ITSN1: variants seen among roughly 807,000 people sequenced by gnomAD.
ITSN1 encodes intersectin-1.
ITSN1 carries 58 observed loss-of-function variants against 239.8 expected under a neutral mutation model. The observed-to-expected ratio is 0.24, with a 90% CI of 0.20 to 0.30. The LOEUF (loss-of-function observed/expected upper bound fraction) is 0.30, where lower values mean the gene tolerates loss of function less well. Among genes scored for constraint, ITSN1 ranks in the 10% least tolerant of loss-of-function variants. The pLI, the probability that ITSN1 is intolerant of heterozygous loss-of-function variation, is 1.00. For missense variants in ITSN1, 1,558 were observed against 2,103.3 expected, an observed-to-expected ratio of 0.74 and a Z score of 5.07; for synonymous variants, 780 against 770.8, an observed-to-expected ratio of 1.01 and a Z score of -0.20.
chr21:33,820,654 T>TA (rs1460668509), intron 24 of ITSN1, among the ~76,000 whole-genome samples: 1 of 152,236 alleles, frequency 6.6e-6, no homozygotes, highest in Non-Finnish European at 1.5e-5. Context: ...TAGTTCATAG[T>TA]ATAGCTATAA....
intron 29 of ITSN1, chr21:33,837,224 A>C (rs2074648651): frequency 8.0e-7 from 1 of 1,253,466 alleles, no homozygotes; most frequent in African/African-American, 1.5e-5. Context: ...AGCAAAAATT[A>C]CAAAAACACA....
rs115142999 is a variant in ITSN1, at chr21:33,732,535, T to C, written c.186-2509T>C. Among the ~76,000 whole-genome samples, 846 of 152,306 alleles carry C rather than the reference T, an allele frequency of 5.6e-3. 7 individuals are homozygous for C. The highest frequency in any genetic ancestry group is 0.02 in the African/African-American group (811 of 41,566). On this transcript the variant is annotated intron_variant, in intron 4 of 39. Coordinates refer to ENST00000381318, the MANE Select transcript of ITSN1 (RefSeq NM_003024.3). Reference sequence around the variant, plus strand: ...ACTATTAGCTCTAGTAAATCTACTGTTTCATTTAAACTCAGAACTGAGCAA... The same window carrying C: ...ACTATTAGCTCTAGTAAATCTACTGCTTCATTTAAACTCAGAACTGAGCAA...
intron 1 of ITSN1, among the ~76,000 whole-genome samples, chr21:33,646,189 C>G (rs890324762): frequency 3.3e-5 from 5 of 152,218 alleles, no homozygotes; most frequent in Non-Finnish European, 7.3e-5. Context: ...CACTATACCC[C>G]AGTGACTTCT....
intron 36 of ITSN1, among the ~76,000 whole-genome samples, chr21:33,884,586 G>T (rs749957120): frequency 6.6e-6 from 1 of 152,194 alleles, no homozygotes; most frequent in Non-Finnish European, 1.5e-5. Context: ...GGAGAAAACC[G>T]CGGCCACAAA....
At chr21:33,813,280 TTC>T (rs2073037838) in intron 21 of ITSN1, among the ~76,000 whole-genome samples, 1 of 152,006 alleles carries the variant, frequency 6.6e-6, no homozygotes, top group African/African-American at 2.4e-5. Context: ...ACCTCCCAGG[TTC>T]AAGCAATTCT....
chr21:33,839,228 A>G (rs1426429529), intron 29 of ITSN1, among the ~76,000 whole-genome samples: 1 of 152,228 alleles, frequency 6.6e-6, no homozygotes, highest in Non-Finnish European at 1.5e-5. Context: ...ACAGAAAACC[A>G]AACTCCTGCA....
intron 1 of ITSN1, among the ~76,000 whole-genome samples, chr21:33,658,048 A>C (rs1296736426): frequency 6.6e-6 from 1 of 152,202 alleles, no homozygotes; most frequent in Non-Finnish European, 1.5e-5. Context: ...CCTATTGTTG[A>C]CCAGAAGCCT....
At chr21:33,885,265 G>T (rs1985596593) in intron 37 of ITSN1, 142 bp downstream of exon 37, 2 of 941,456 alleles carry the variant, frequency 2.1e-6, no homozygotes, top group East Asian at 5.1e-5. Flanking sequence ...CTTGGGGTGG[G>T]ATGCAGATGG....
intron 2 of ITSN1, 90 bp from the exon 3 acceptor site, chr21:33,721,088 A>T (rs1026329602): frequency 8.8e-6 from 7 of 798,532 alleles, no homozygotes; most frequent in Non-Finnish European, 1.5e-5. Context: ...ACATTGACAG[A>T]ATCTTGAAGT....
At chr21:33,648,483 A>G (rs1223564191) in intron 1 of ITSN1, among the ~76,000 whole-genome samples, 2 of 152,130 alleles carry the variant, frequency 1.3e-5, no homozygotes, top group Non-Finnish European at 2.9e-5. Context: ...ACATGTACTA[A>G]TATATAAACT....
intron 5 of ITSN1, chr21:33,735,495 T>C (rs1569056066): frequency 2.1e-5 from 8 of 372,942 alleles, no homozygotes; most frequent in Admixed American, 4.3e-5. Flanking sequence ...TTTTTTTTTT[T>C]TCTCTTCCAT....
intron 5 of ITSN1, among the ~76,000 whole-genome samples, chr21:33,742,619 C>CCAG (rs2066931759): frequency 6.6e-6 from 1 of 152,132 alleles, no homozygotes; most frequent in Non-Finnish European, 1.5e-5. Context: ...TTGGAGCAGT[C>CCAG]CAGCCCCTAT....
intron 16 of ITSN1, among the ~76,000 whole-genome samples, chr21:33,792,477 G>A (rs181544498): frequency 1.1e-4 from 16 of 152,200 alleles, no homozygotes; most frequent in Admixed American, 1.0e-3. Flanking sequence ...ACCTATTTAA[G>A]AATTTGATGG....
chr21:33,836,387 GT>G, intron 28 of ITSN1, 53 bp from the exon 29 acceptor site: 1 of 1,380,500 alleles, frequency 7.2e-7, no homozygotes, highest in Non-Finnish European at 9.9e-7. Flanking sequence ...CGCGGTACCC[GT>G]TGTGCATTCT....
intron 8 of ITSN1, among the ~76,000 whole-genome samples, chr21:33,757,547 A>AT (rs982123402): frequency 1.3e-5 from 2 of 151,944 alleles, no homozygotes; most frequent in African/African-American, 4.8e-5. Flanking sequence ...TAGAAATTTA[A>AT]TTTTTTTTCC....
intron 12 of ITSN1, chr21:33,774,511 G>GTATTACGTAAATATAT (rs1386730055): frequency 5.4e-5 from 23 of 428,784 alleles, no homozygotes; most frequent in Middle Eastern, 6.1e-4. Context: ...CGTAAATATA[G>GTATTACGTAAATATAT]TATTATGTAA....
intron 33 of ITSN1, 80 bp from the exon 34 acceptor site, chr21:33,875,274 G>T (rs1002491029): frequency 1.4e-5 from 21 of 1,519,116 alleles, no homozygotes; most frequent in East Asian, 2.3e-5. Context: ...GCCCCGCTGG[G>T]CCTGGTCCTG....
At chr21:33,681,919 C>T (rs771993362) in intron 1 of ITSN1, among the ~76,000 whole-genome samples, 18 of 151,884 alleles carry the variant, frequency 1.2e-4, no homozygotes, top group Middle Eastern at 3.2e-3. Flanking sequence ...CCACCCGTCT[C>T]GGCCTCCCAA....
intron 4 of ITSN1, among the ~76,000 whole-genome samples, chr21:33,723,380 C>T (rs868121986): frequency 1.3e-5 from 2 of 152,084 alleles, no homozygotes; most frequent in African/African-American, 4.8e-5. Context: ...TTTGGGAGGC[C>T]GAGGCGGGCG....
Sources: gnomAD v4.1 joint callset for allele counts (sites outside exome capture counted in the v4.1 genomes callset) on GRCh38, gnomAD v4.1.1 for gene constraint, MANE v1.5 for transcripts, NCBI Gene and HGNC (gene_info 2026-07-23, HGNC 2026-07-21) for gene names.